FRZB: variants seen among roughly 807,000 people sequenced by gnomAD.
FRZB encodes frizzled related protein.
Under a neutral mutation model 32.5 loss-of-function variants are expected in FRZB, and 34 were observed. The ratio of observed to expected loss-of-function variants is 1.05; its 90% CI spans 0.80 to 1.39. FRZB has a LOEUF of 1.39. Ranked by LOEUF, FRZB falls within the 40% of genes most tolerant of loss-of-function variation. The probability of loss-of-function intolerance (pLI) is 0.00; values close to 1 mark genes in which losing one functional copy is unlikely to be tolerated. For missense variants in FRZB, 423 were observed against 424.8 expected (o/e 1.00, Z 0.04); for synonymous variants, 170 against 159.2 (o/e 1.07, Z -0.51).
intron 2 of FRZB, among the ~76,000 whole-genome samples, chr2:182,846,443 A>G (rs1695641497): frequency 1.3e-5 from 2 of 152,136 alleles, no homozygotes; most frequent in African/African-American, 2.4e-5. Flanking sequence ...TTTTTCTAGG[A>G]AAAAAAGCCT....
chr2:182,839,953 C>G (rs2118588), intron 3 of FRZB, among the ~76,000 whole-genome samples: 18,504 of 151,932 alleles, frequency 0.12, 1,599 homozygotes, highest in African/African-American at 0.25. Flanking sequence ...AATATAAAAC[C>G]AGCTAATCAA....
chr2:182,855,264 A>G (rs1324638595), intron 2 of FRZB, among the ~76,000 whole-genome samples: 2 of 152,254 alleles, frequency 1.3e-5, no homozygotes, highest in Non-Finnish European at 2.9e-5. Flanking sequence ...CAAAATGTCC[A>G]GGATTCAACC....
At chr2:182,862,448 G>T (rs1695843546) in intron 1 of FRZB, among the ~76,000 whole-genome samples, 1 of 152,154 alleles carries the variant, frequency 6.6e-6, no homozygotes, top group South Asian at 2.1e-4. Context: ...TCGCTCCCAA[G>T]GGGATCTGCT....
chr2:182,834,962 A>T lies in FRZB; in HGVS notation c.865T>A (p.Trp289Arg), dbSNP rs2105750032. 1 of 1,605,260 alleles carries T rather than the reference A, an allele frequency of 6.2e-7. No individual in the cohort carries two copies. The highest frequency in any genetic ancestry group is 2.2e-5 in the East Asian group (1 of 44,806). Residue 289 changes from tryptophan (W) to arginine (R), a missense_variant, in exon 6 of 6, where the codon TGG (tryptophan) becomes AGG (arginine). Trp to Arg is a moderately radical substitution (Grantham distance 101, BLOSUM62 -3). Coordinates refer to ENST00000295113, the MANE Select transcript of FRZB (RefSeq NM_001463.4). ...KDRLGKKVKR[W>R]DMKLRHLGLS... ...CCAAGATGACGAAGCTTCATATCCCAGCGCTGTGAAATTTAAAATAGAAAA... is the reference window on the plus strand; with the variant it reads ...CCAAGATGACGAAGCTTCATATCCCTGCGCTGTGAAATTTAAAATAGAAAA...
intron 2 of FRZB, among the ~76,000 whole-genome samples, chr2:182,846,923 A>G (rs920706161): frequency 1.3e-5 from 2 of 152,202 alleles, no homozygotes; most frequent in Non-Finnish European, 2.9e-5. Context: ...TTCTGACTCC[A>G]TAACTCTGGT....
In FRZB at chr2:182,861,951, G is replaced by A. The variant is rs192811003; in HGVS notation, c.479-3118C>T. Among the ~76,000 whole-genome samples, 105 of 152,310 alleles carry A rather than the reference G, an allele frequency of 6.9e-4. 1 individual carries two copies. Among genetic ancestry groups the A allele is most frequent in the African/African-American group, 2.5e-3 (103 of 41,562 alleles). On this transcript the variant is annotated intron_variant, in intron 1 of 5. Coordinates refer to ENST00000295113, the MANE Select transcript of FRZB (RefSeq NM_001463.4). ...GAGATACTCTTCCCTAACCCATCCA[G>A]AGTGCCTTTCAGTATTTTACACAAT...
chr2:182,858,194 G>A (rs1326873676), intron 2 of FRZB, among the ~76,000 whole-genome samples: 2 of 152,142 alleles, frequency 1.3e-5, no homozygotes, highest in Non-Finnish European at 2.9e-5. Context: ...ACAAAAACCT[G>A]TACTGGAATG....
intron 2 of FRZB, among the ~76,000 whole-genome samples, chr2:182,855,491 T>C (rs1409666152): frequency 6.6e-6 from 1 of 152,140 alleles, no homozygotes; most frequent in East Asian, 1.9e-4. Flanking sequence ...TTGAAAAATA[T>C]ACTAACAAAT....
intron 2 of FRZB, among the ~76,000 whole-genome samples, chr2:182,852,501 T>G (rs867084686): frequency 6.6e-6 from 1 of 152,198 alleles, no homozygotes; most frequent in Middle Eastern, 3.2e-3. Flanking sequence ...AAGAAATAAT[T>G]TGGTCACATT....
At chr2:182,849,252 A>G (rs1695684213) in intron 2 of FRZB, among the ~76,000 whole-genome samples, 1 of 41,418 alleles carries the variant, frequency 2.4e-5, no homozygotes, top group Non-Finnish European at 8.2e-5. Flanking sequence ...ATAAATAAAT[A>G]AATAAATAAA....
rs1198320177 is a variant in FRZB at position 182,866,043 on chromosome 2, G to A, written c.478+32C>T. On this transcript the variant is annotated intron_variant, in intron 1 of 5. Transcript: ENST00000295113. This position sits in a 1 kb window ranked among gnomAD's most constrained non-coding sequence, Gnocchi z 4.5. ...CTCCAAGAATTGAGGAGGCTGTAGG[G>A]TAAGGGAAGGGTGGGCCGTGTCAAA... 1 of 1,541,096 alleles carries A rather than the reference G, an allele frequency of 6.5e-7. No homozygotes were observed. Among genetic ancestry groups the A allele is most frequent in the Non-Finnish European group, 8.9e-7 (1 of 1,123,566 alleles).
chr2:182,852,715 G>C (rs1695722933), intron 2 of FRZB, among the ~76,000 whole-genome samples: 1 of 152,124 alleles, frequency 6.6e-6, no homozygotes, highest in Admixed American at 6.6e-5. Context: ...TGATTTGATA[G>C]ATCAAGTGAC....
intron 1 of FRZB, among the ~76,000 whole-genome samples, chr2:182,861,108 A>G (rs1695827237): frequency 6.6e-6 from 1 of 152,212 alleles, no homozygotes; most frequent in Non-Finnish European, 1.5e-5. Context: ...ATTGTCTAGA[A>G]GCCACCTTTT....
At chr2:182,854,471 C>A (rs1348426354) in intron 2 of FRZB, among the ~76,000 whole-genome samples, 2 of 152,154 alleles carry the variant, frequency 1.3e-5, no homozygotes, top group African/African-American at 2.4e-5. Context: ...CCTCTGGTAT[C>A]CACCAGTCTG....
chr2:182,841,064 C>T (rs916226668), intron 3 of FRZB, among the ~76,000 whole-genome samples: 3 of 152,080 alleles, frequency 2.0e-5, no homozygotes, highest in African/African-American at 7.2e-5. Flanking sequence ...TTTCCCTAGG[C>T]TTCTTCACAT....
intron 2 of FRZB, among the ~76,000 whole-genome samples, chr2:182,857,459 A>G (rs1434403486): frequency 6.6e-6 from 1 of 151,984 alleles, no homozygotes; most frequent in Admixed American, 6.6e-5. Flanking sequence ...GTCTCTACTA[A>G]TAATACAAAA....
chr2:182,857,896 A>G (rs1429518494), intron 2 of FRZB, among the ~76,000 whole-genome samples: 4 of 152,358 alleles, frequency 2.6e-5, no homozygotes, highest in Non-Finnish European at 4.4e-5. Context: ...AAATAAACAC[A>G]TGAAAATGTA....
intron 2 of FRZB, among the ~76,000 whole-genome samples, chr2:182,854,627 C>T (rs771586018): frequency 3.3e-5 from 5 of 152,306 alleles, no homozygotes; most frequent in East Asian, 3.9e-4. Context: ...GTAACAGCAA[C>T]GGCTGCAACA....
chr2:182,863,137 T>G (rs1182072740), intron 1 of FRZB, among the ~76,000 whole-genome samples: 1 of 152,184 alleles, frequency 6.6e-6, no homozygotes, highest in Non-Finnish European at 1.5e-5. Context: ...TAAGAAAACT[T>G]TGAATTACAG....
Sources: allele counts gnomAD v4.1 joint callset (sites outside exome capture counted in the v4.1 genomes callset), GRCh38; gene constraint gnomAD v4.1.1; non-coding constraint Gnocchi (gnomAD v3.1); transcripts MANE v1.5; gene names NCBI Gene and HGNC (gene_info 2026-07-23, HGNC 2026-07-21).